The following ADARB2 variants were observed in gnomAD, a reference collection of about 807,000 sequenced individuals.
ADARB2 encodes the protein adenosine deaminase RNA specific B2 (inactive).
Under a neutral mutation model 62.2 loss-of-function variants are expected in ADARB2, and 25 were observed. That is an observed-to-expected ratio of 0.40 (90% CI 0.29 to 0.56). ADARB2 has a LOEUF of 0.56. ADARB2 is among the 20% of genes least tolerant of loss of function. ADARB2 has a pLI of 0.43. For synonymous variants in ADARB2, 572 were observed against 500.8 expected, an observed-to-expected ratio of 1.14 and a Z score of -1.90; for missense variants, 1,071 against 1,077.4, an observed-to-expected ratio of 0.99 and a Z score of 0.08.
intron 1 of ADARB2, among the ~76,000 whole-genome samples, chr10:1,568,364 G>A (rs148592926): frequency 2.6e-5 from 4 of 152,178 alleles, no homozygotes; most frequent in Admixed American, 1.3e-4. Flanking sequence ...TGGTCCAGCC[G>A]GAGGGGCCTC....
At chr10:1,609,544 C>T (rs1219048264) in intron 1 of ADARB2, among the ~76,000 whole-genome samples, 2 of 152,254 alleles carry the variant, frequency 1.3e-5, no homozygotes, top group Admixed American at 6.5e-5. Context: ...TTATGAGAAA[C>T]CTTCGGTCCT....
At chr10:1,553,284 T>C (rs1270391619) in intron 1 of ADARB2, among the ~76,000 whole-genome samples, 2 of 152,238 alleles carry the variant, frequency 1.3e-5, no homozygotes, top group Non-Finnish European at 2.9e-5. Flanking sequence ...CTGCTTTTAA[T>C]GGCTGAATTT....
chr10:1,731,344 A>T (rs1308655674), intron 1 of ADARB2, among the ~76,000 whole-genome samples: 2 of 152,178 alleles, frequency 1.3e-5, no homozygotes, highest in Non-Finnish European at 2.9e-5. Flanking sequence ...TAAAAGCCCA[A>T]TTTTAATTGC....
intron 1 of ADARB2, among the ~76,000 whole-genome samples, chr10:1,603,801 T>TTTTA (rs1191715539): frequency 1.3e-5 from 2 of 151,768 alleles, no homozygotes; most frequent in African/African-American, 4.8e-5. Flanking sequence ...GTCATATATA[T>TTTTA]TTTATTTATT....
At chr10:1,562,266 C>G (rs1832794863) in intron 1 of ADARB2, among the ~76,000 whole-genome samples, 4 of 152,122 alleles carry the variant, frequency 2.6e-5, no homozygotes, top group African/African-American at 9.7e-5. Context: ...GCTCATGCTG[C>G]CAATCCATGT....
At chr10:1,570,830 C>T (rs1008585356) in intron 1 of ADARB2, among the ~76,000 whole-genome samples, 7 of 152,066 alleles carry the variant, frequency 4.6e-5, no homozygotes, top group Admixed American at 2.6e-4. Context: ...GAGAGAACAC[C>T]GCATGCTGGA....
chr10:1,714,740 TGA>T (rs1442736699), intron 1 of ADARB2, among the ~76,000 whole-genome samples: 2 of 152,240 alleles, frequency 1.3e-5, no homozygotes, highest in African/African-American at 4.8e-5. Flanking sequence ...ACGAAGCCTG[TGA>T]GGGCTTTCAT....
At position 1,242,183 on chromosome 10, in the gene ADARB2, C is replaced by T. The variant is rs775744384; in HGVS notation, c.1309G>A (p.Ala437Thr). The T allele has an allele frequency of 1.2e-6, 2 of 1,610,758 alleles. No individual in the cohort carries two copies. The highest frequency in any genetic ancestry group is 1.7e-5 in the Admixed American group (1 of 59,892). ...AGGAAGTGCAGGAACGCCCGCCGGG[C>T]CACGACCTCCGCGTGGCAGTCATTC... is the stretch of plus-strand genomic sequence containing the variant. ...VVNDCHAEVV[A>T]RRAFLHFLYT... Residue 437 changes from alanine (A) to threonine (T), a missense_variant, in exon 5 of 10, where the codon GCC becomes ACC. Physicochemically the swap from Ala to Thr is moderately conservative, Grantham distance 58. Transcript: ENST00000381312.
intron 1 of ADARB2, among the ~76,000 whole-genome samples, chr10:1,511,307 A>T (rs1314188014): frequency 2.0e-5 from 3 of 152,240 alleles, no homozygotes; most frequent in African/African-American, 7.2e-5. Context: ...ATACATATTT[A>T]TTGAACACCT....
At chr10:1,584,249 AAAAC>A (rs1261822926) in intron 1 of ADARB2, among the ~76,000 whole-genome samples, 1 of 152,350 alleles carries the variant, frequency 6.6e-6, no homozygotes, top group Middle Eastern at 3.4e-3. Flanking sequence ...CAACAATAGA[AAAAC>A]AAACAACCCA....
chr10:1,317,413 T>A (rs924629233), intron 3 of ADARB2, among the ~76,000 whole-genome samples: 9 of 152,234 alleles, frequency 5.9e-5, no homozygotes, highest in African/African-American at 2.2e-4. Flanking sequence ...CTTCGTAAGT[T>A]GTTGTACGGA....
intron 1 of ADARB2, among the ~76,000 whole-genome samples, chr10:1,517,956 A>T (rs1463590346): frequency 6.6e-6 from 1 of 152,132 alleles, no homozygotes; most frequent in Non-Finnish European, 1.5e-5. Context: ...CTCACTAAAG[A>T]TTCCTTGAGT....
chr10:1,665,597 T>C (rs1834306310), intron 1 of ADARB2, among the ~76,000 whole-genome samples: 1 of 152,256 alleles, frequency 6.6e-6, no homozygotes, highest in Non-Finnish European at 1.5e-5. Context: ...CTGTGGCCTG[T>C]GCCAAATGCC....
intron 3 of ADARB2, among the ~76,000 whole-genome samples, chr10:1,325,200 C>T (rs1449926312): frequency 6.6e-6 from 1 of 152,182 alleles, no homozygotes; most frequent in Non-Finnish European, 1.5e-5. Flanking sequence ...TGTCCATGAA[C>T]CTCCGTGGAC....
At chr10:1,609,132 C>G (rs1466636109) in intron 1 of ADARB2, among the ~76,000 whole-genome samples, 1 of 152,234 alleles carries the variant, frequency 6.6e-6, no homozygotes, top group Admixed American at 6.5e-5. Flanking sequence ...TTTCAGGGAG[C>G]CTGACCCTGC....
chr10:1,589,596 G>A (rs1833225051), intron 1 of ADARB2, among the ~76,000 whole-genome samples: 1 of 152,208 alleles, frequency 6.6e-6, no homozygotes, highest in African/African-American at 2.4e-5. Context: ...GCTTGTCCAT[G>A]GCCACCCCTG....
At chr10:1,323,303 T>G (rs960303694) in intron 3 of ADARB2, among the ~76,000 whole-genome samples, 1 of 143,036 alleles carries the variant, frequency 7.0e-6, no homozygotes, top group African/African-American at 2.5e-5. Context: ...AATTACAAAA[T>G]GCTGACAAAA....
intron 1 of ADARB2, among the ~76,000 whole-genome samples, chr10:1,433,857 A>T (rs1830803505): frequency 6.6e-6 from 1 of 152,234 alleles, no homozygotes; most frequent in Non-Finnish European, 1.5e-5. Context: ...TTTTATAAAT[A>T]TAGGTCTAAA....
At chr10:1,418,658 C>A (rs1832826307) in intron 1 of ADARB2, among the ~76,000 whole-genome samples, 1 of 152,180 alleles carries the variant, frequency 6.6e-6, no homozygotes, top group Non-Finnish European at 1.5e-5. Context: ...TCTAGACTGG[C>A]CAGAGTAGTC....
Sources: gnomAD v4.1 joint callset for allele counts (sites outside exome capture counted in the v4.1 genomes callset) on GRCh38, gnomAD v4.1.1 for gene constraint, MANE v1.5 for transcripts, NCBI Gene and HGNC (gene_info 2026-07-23, HGNC 2026-07-21) for gene names.